ABCC1: variants seen among roughly 807,000 people sequenced by gnomAD.
ABCC1 encodes the protein ATP binding cassette subfamily C member 1 (ABCC1 blood group), also known as multidrug resistance-associated protein 1.
ABCC1 carries 83 observed loss-of-function variants against 172.9 expected under a neutral mutation model. The ratio of observed to expected loss-of-function variants is 0.48; its 90% CI spans 0.40 to 0.58. The LOEUF (loss-of-function observed/expected upper bound fraction) is 0.58. Among genes scored for constraint, ABCC1 ranks in the 20% least tolerant of loss-of-function variants. The pLI, the probability that ABCC1 is intolerant of heterozygous loss-of-function variation, is 0.00. For missense variants in ABCC1, 1,817 were observed against 2,002.7 expected (o/e 0.91, Z 1.77); for synonymous variants, 937 against 825.2 (o/e 1.14, Z -2.32).
At chr16:16,036,074 C>T (rs754209373) in intron 6 of ABCC1, among the ~76,000 whole-genome samples, 3 of 152,094 alleles carry the variant, frequency 2.0e-5, no homozygotes, top group East Asian at 2.0e-4. Flanking sequence ...CAGGGAGCTG[C>T]GATCGCACCA....
chr16:16,035,587 C>T (rs1485290717), intron 6 of ABCC1, among the ~76,000 whole-genome samples: 2 of 151,376 alleles, frequency 1.3e-5, no homozygotes, highest in Non-Finnish European at 2.9e-5. Context: ...ACCTCCTGGC[C>T]TTGAGCAATC....
chr16:16,096,829 C>T (rs1267370954), intron 19 of ABCC1, among the ~76,000 whole-genome samples: 3 of 152,074 alleles, frequency 2.0e-5, no homozygotes, highest in Admixed American at 1.3e-4. Flanking sequence ...AGAAACAGCA[C>T]CTGGCTTGAC....
At chr16:16,051,144 G>A (rs1454047996) in intron 10 of ABCC1, among the ~76,000 whole-genome samples, 1 of 151,586 alleles carries the variant, frequency 6.6e-6, no homozygotes, top group Admixed American at 6.6e-5. Flanking sequence ...TGTGGGGGCT[G>A]TCTTTTTTTT....
chr16:16,034,929 ATGTGTG>A, intron 6 of ABCC1, among the ~76,000 whole-genome samples: 1 of 151,964 alleles, frequency 6.6e-6, no homozygotes, highest in South Asian at 2.1e-4. Context: ...ATGTGTTTGC[ATGTGTG>A]TGTGTGTTTG....
intron 20 of ABCC1, chr16:16,105,391 T>TG (rs1193598447): frequency 6.6e-6 from 1 of 152,272 alleles, no homozygotes; most frequent in East Asian, 1.9e-4. Flanking sequence ...AACTCACTCT[T>TG]GCTTTCAGAT....
At chr16:16,018,192 C>T (rs572860264) in intron 5 of ABCC1, among the ~76,000 whole-genome samples, 189 of 152,072 alleles carry the variant, frequency 1.2e-3, no homozygotes, top group Non-Finnish European at 1.8e-3. Flanking sequence ...TTGTGGGTGA[C>T]GAAAGGGCTT....
rs1043646618 is a variant in ABCC1 at position 16,073,012 on chromosome 16, A to C, written c.1912+1283A>C. Among the ~76,000 whole-genome samples the C allele has an allele frequency of 1.2e-4, 18 of 149,102 alleles. No homozygotes were observed. The East Asian group carries it at 3.6e-3, about 30-fold the overall frequency. ...AGCCAAGATCGCGCCACTGCACTCCAGCCAGGGCAAAGAGTGAGACTTCAT... is the reference window on the plus strand; with the variant it reads ...AGCCAAGATCGCGCCACTGCACTCCCGCCAGGGCAAAGAGTGAGACTTCAT... On this transcript the variant is annotated intron_variant, in intron 14 of 30. Coordinates refer to ENST00000399410, the MANE Select transcript of ABCC1 (RefSeq NM_004996.4).
intron 28 of ABCC1, among the ~76,000 whole-genome samples, chr16:16,134,989 T>G (rs2045864202): frequency 6.6e-6 from 1 of 152,118 alleles, no homozygotes; most frequent in Non-Finnish European, 1.5e-5. Context: ...TCCCTGAATT[T>G]CCTCTTAGTA....
chr16:16,072,560 G>A (rs35619), intron 14 of ABCC1, among the ~76,000 whole-genome samples: 118,131 of 146,368 alleles, frequency 0.81, 47,665 homozygotes, highest in Non-Finnish European at 0.83. Flanking sequence ...TTGGTCTTGA[G>A]CTCCTGGGCT....
chr16:15,956,544 C>T (rs1040167448), intron 1 of ABCC1, among the ~76,000 whole-genome samples: 4 of 151,760 alleles, frequency 2.6e-5, no homozygotes, highest in Non-Finnish European at 4.4e-5. Flanking sequence ...GCTGTGTTGC[C>T]GAGGCTGGTC....
At chr16:16,107,107 T>G (rs1460942257) in intron 21 of ABCC1, among the ~76,000 whole-genome samples, 2 of 152,038 alleles carry the variant, frequency 1.3e-5, no homozygotes, top group Non-Finnish European at 2.9e-5. Flanking sequence ...ACTCCAGGGT[T>G]AGTACTTGTA....
At chr16:15,967,766 A>C (rs59966470) in intron 1 of ABCC1, among the ~76,000 whole-genome samples, 12 of 106,708 alleles carry the variant, frequency 1.1e-4, no homozygotes, top group South Asian at 1.0e-3. Context: ...TCCAAAAAAA[A>C]AAAAAACAAC....
intron 27 of ABCC1, among the ~76,000 whole-genome samples, chr16:16,132,832 T>C (rs1321791047): frequency 6.6e-6 from 1 of 152,098 alleles, no homozygotes; most frequent in Non-Finnish European, 1.5e-5. Flanking sequence ...TGGAAGAAAT[T>C]TGAATAAGTT....
chr16:16,057,366 TAA>T (rs747489467), intron 12 of ABCC1, among the ~76,000 whole-genome samples: 9 of 133,068 alleles, frequency 6.8e-5, no homozygotes, highest in Admixed American at 2.3e-4. Flanking sequence ...CTCAAAAAAG[TAA>T]AAAAAAAAAA....
At chr16:16,075,584 T>A (rs1323022771) in intron 14 of ABCC1, among the ~76,000 whole-genome samples, 1 of 152,118 alleles carries the variant, frequency 6.6e-6, no homozygotes, top group Non-Finnish European at 1.5e-5. Context: ...TAGGCCGAGA[T>A]CGCACCACTG....
Position 16,141,276 on chromosome 16 carries a change from G to T in ABCC1, c.4591G>T (p.Val1531Leu), listed in dbSNP as rs905137271. ...CAGCATGGCCAAAGACGCCGGCTTG[G>T]TGTGAGCCCCAGAGCTGGCATATCT... ...FYSMAKDAGL[V>L] Residue 1531 changes from valine (V) to leucine (L), a missense_variant, in exon 31 of 31, where the codon GTG becomes TTG. Coordinates refer to ENST00000399410, the MANE Select transcript of ABCC1 (RefSeq NM_004996.4). 7 of 1,613,840 alleles carry T rather than the reference G, an allele frequency of 4.3e-6. No individual in the cohort carries two copies. In the African/African-American group the frequency reaches 5.3e-5, roughly 12 times the overall value.
chr16:16,132,506 GGTTGTTTTTT>G (rs1391296065), intron 27 of ABCC1, among the ~76,000 whole-genome samples: 1 of 100,948 alleles, frequency 9.9e-6, no homozygotes, highest in Non-Finnish European at 2.1e-5. Flanking sequence ...TTTTTTGGTT[GGTTGTTTTTT>G]TTTTTTTTTT....
rs753693807 is a variant in ABCC1 at position 16,036,491 on chromosome 16, C to T, written c.697C>T (p.Arg233Cys). 54 of 1,613,618 alleles carry T rather than the reference C, an allele frequency of 3.3e-5. No homozygotes were observed. Among genetic ancestry groups the T allele is most frequent in the African/African-American group, 9.3e-5 (7 of 74,930 alleles). ...CCCCAGGTTGATTGTCCGGGGCTAC[C>T]GCCAGCCCCTGGAGGGCAGTGACCT... ...WITGLIVRGY[R>C]QPLEGSDLWS... Residue 233 changes from arginine to cysteine, a missense_variant, in exon 7 of 31, where the codon CGC (arginine) becomes TGC (cysteine). Physicochemically the swap from Arg to Cys is radical, Grantham distance 180. Coordinates refer to ENST00000399410, the MANE Select transcript of ABCC1 (RefSeq NM_004996.4).
At chr16:16,135,665 A>C (rs1327494057) in intron 28 of ABCC1, among the ~76,000 whole-genome samples, 2 of 152,146 alleles carry the variant, frequency 1.3e-5, no homozygotes, top group African/African-American at 4.8e-5. Context: ...CATGTTACCC[A>C]GGCTGGTCTC....
Sources: gnomAD v4.1 joint callset for allele counts (sites outside exome capture counted in the v4.1 genomes callset) on GRCh38, gnomAD v4.1.1 for gene constraint, MANE v1.5 for transcripts, NCBI Gene and HGNC (gene_info 2026-07-23, HGNC 2026-07-21) for gene names.